GLYATL2: variants seen among roughly 807,000 people sequenced by gnomAD.
The protein encoded by GLYATL2 is glycine N-acyltransferase-like protein 2.
A neutral mutation model predicts 21.4 loss-of-function variants in GLYATL2; 25 were observed. That is an observed-to-expected ratio of 1.17 (90% CI 0.85 to 1.63). The LOEUF (loss-of-function observed/expected upper bound fraction) is 1.63, where lower values mean the gene tolerates loss of function less well. Among genes scored for constraint, GLYATL2 ranks in the 40% most tolerant of loss-of-function variants. GLYATL2 has a pLI of 0.00. For missense variants in GLYATL2, 361 were observed against 343.3 expected (o/e 1.05, Z -0.41); for synonymous variants, 114 against 118.2 (o/e 0.96, Z 0.23).
At chr11:58,847,198 T>TA (rs1440464717), upstream of GLYATL2, among the ~76,000 whole-genome samples, 1 of 152,114 alleles carries the variant, frequency 6.6e-6, no homozygotes, top group South Asian at 2.1e-4. Flanking sequence ...ACCCATGTAC[T>TA]ATTAGTACAT....
In GLYATL2 at chr11:58,837,257, C is replaced by A; in HGVS notation, c.313+14G>T. On this transcript the variant is annotated intron_variant, in intron 4 of 5. Coordinates refer to ENST00000287275, the MANE Select transcript of GLYATL2 (RefSeq NM_145016.4). The stretch of plus-strand genomic sequence containing the variant: ...TAAACCATGGATCTTTTTCTTTTAA[C>A]TCAGACTAGTTACCTTGGATCTGCA... 3.1e-6 allele frequency: 5 copies of A among 1,613,414 alleles called. No homozygotes were observed. The highest frequency in any genetic ancestry group is 4.2e-6 in the Non-Finnish European group (5 of 1,179,708).
chr11:58,846,119 C>T (rs1387474401), upstream of GLYATL2, among the ~76,000 whole-genome samples: 1 of 152,150 alleles, frequency 6.6e-6, no homozygotes, highest in Non-Finnish European at 1.5e-5. Context: ...TCCATTTCAA[C>T]TAGTCAATAC....
intron 1 of GLYATL2, among the ~76,000 whole-genome samples, chr11:58,874,101 A>T (rs192082519): frequency 6.6e-6 from 1 of 152,034 alleles, no homozygotes; most frequent in South Asian, 2.1e-4. Context: ...TCTTGATGGT[A>T]GTTTGTATTT....
intron 1 of GLYATL2, among the ~76,000 whole-genome samples, chr11:58,890,765 T>C (rs1854528902): frequency 6.6e-6 from 1 of 151,944 alleles, no homozygotes; most frequent in African/African-American, 2.4e-5. Flanking sequence ...TTCTCATCTC[T>C]CATACTCTGT....
upstream of GLYATL2, among the ~76,000 whole-genome samples, chr11:58,846,750 G>A (rs1380466837): frequency 6.6e-6 from 1 of 152,124 alleles, no homozygotes; most frequent in African/African-American, 2.4e-5. Context: ...AAACGTGAAA[G>A]GCAGTGTAAA....
chr11:58,909,306 A>G, the GLYATL2 span, among the ~76,000 whole-genome samples: 1 of 152,214 alleles, frequency 6.6e-6, no homozygotes, highest in African/African-American at 2.4e-5. Context: ...ATAAGTTCTC[A>G]AGATCTGTAC....
At chr11:58,845,926 CAT>C (rs1853634333), upstream of GLYATL2, among the ~76,000 whole-genome samples, 1 of 152,174 alleles carries the variant, frequency 6.6e-6, no homozygotes, top group African/African-American at 2.4e-5. Flanking sequence ...ACTATCTACA[CAT>C]TCTTGCTATG....
intron 1 of GLYATL2, among the ~76,000 whole-genome samples, chr11:58,897,574 T>C (rs763094339): frequency 1.6e-4 from 24 of 151,818 alleles, no homozygotes; most frequent in South Asian, 8.4e-4. Context: ...CACACACACA[T>C]AAATGCACAC....
In GLYATL2 at chr11:58,890,916, CTA is replaced by C. The variant is rs1182455701; in HGVS notation, n.60+13238_60+13239del. 7.9e-5 allele frequency among the ~76,000 whole-genome samples: 12 copies of C among 151,986 alleles called. No homozygotes were observed. The East Asian group carries it at 1.9e-3, about 24-fold the overall frequency. ...CTTTTGGCTTTATATATCCTTTGCA[CTA>C]TGTCTTGTTCTCCATTTCATTATTT... On this transcript the variant is annotated intron_variant and non_coding_transcript_variant, in intron 1 of 4. Coordinates refer to the GLYATL2 transcript ENST00000533636.
At chr11:58,856,722 G>A (rs2134590979) in intron 1 of GLYATL2, among the ~76,000 whole-genome samples, 1 of 152,292 alleles carries the variant, frequency 6.6e-6, no homozygotes, top group South Asian at 2.1e-4. Flanking sequence ...TATCAATTAA[G>A]TTTGCTGTCT....
At chr11:58,909,053 T>G (rs1854977136), upstream of GLYATL2, among the ~76,000 whole-genome samples, 3 of 152,308 alleles carry the variant, frequency 2.0e-5, no homozygotes, top group South Asian at 6.2e-4. Flanking sequence ...CCACACTATT[T>G]TGTTCAAAAT....
upstream of GLYATL2, chr11:58,905,363 C>T (rs1439839960): frequency 2.0e-5 from 8 of 398,344 alleles, no homozygotes; most frequent in Admixed American, 1.7e-4. Flanking sequence ...CAGGGTGGAG[C>T]TCTCTCTGCT....
At chr11:58,891,464 T>G (rs1375259093) in intron 1 of GLYATL2, among the ~76,000 whole-genome samples, 1 of 152,222 alleles carries the variant, frequency 6.6e-6, no homozygotes, top group African/African-American at 2.4e-5. Context: ...GCTGATATCC[T>G]GTAGCCTTGG....
At chr11:58,896,348 T>C (rs562841936) in intron 1 of GLYATL2, among the ~76,000 whole-genome samples, 8 of 152,180 alleles carry the variant, frequency 5.3e-5, no homozygotes, top group Non-Finnish European at 1.2e-4. Flanking sequence ...TCTATAAAAC[T>C]AACCGCAACT....
At chr11:58,890,234 A>AT (rs1854517197) in intron 1 of GLYATL2, among the ~76,000 whole-genome samples, 1 of 152,134 alleles carries the variant, frequency 6.6e-6, no homozygotes, top group African/African-American at 2.4e-5. Flanking sequence ...TTTGCTTAGG[A>AT]TTATTGCACT....
chr11:58,882,401 ATCCTT>A (rs1364679861), intron 1 of GLYATL2, among the ~76,000 whole-genome samples: 2 of 152,088 alleles, frequency 1.3e-5, no homozygotes, highest in Non-Finnish European at 2.9e-5. Context: ...GTCTGTTCAT[ATCCTT>A]TGCCCACTTT....
upstream of GLYATL2, among the ~76,000 whole-genome samples, chr11:58,848,775 G>T (rs2134584820): frequency 6.6e-6 from 1 of 152,236 alleles, no homozygotes; most frequent in Admixed American, 6.5e-5. Flanking sequence ...ATGGAGATGG[G>T]GTAGAAAGTT....
chr11:58,837,059 T>G lies in GLYATL2; in HGVS notation c.432A>C (p.Ser144=), dbSNP rs759318143. The change falls in exon 5 of 6, where the codon TCA becomes TCC. Residue 144 remains serine (S), a synonymous_variant. Coordinates refer to ENST00000287275, the MANE Select transcript of GLYATL2 (RefSeq NM_145016.4). ...CAAATAACTCCATCTTGTCATTACT[T>G]GAGGTCTTGTGTTTCTTTGGTAATT... ...IPELPKKHKT[S]SNDKMELFEV... The G allele has an allele frequency of 1.9e-6, 3 of 1,613,862 alleles. No homozygotes were observed. The highest frequency in any genetic ancestry group is 2.5e-6 in the Non-Finnish European group (3 of 1,179,766).
intron 1 of GLYATL2, among the ~76,000 whole-genome samples, chr11:58,891,456 T>G (rs1854542164): frequency 1.3e-5 from 2 of 152,234 alleles, no homozygotes; most frequent in South Asian, 4.1e-4. Flanking sequence ...TTGAGTAGGC[T>G]GATATCCTGT....
Sources: gnomAD v4.1 joint callset for allele counts (sites outside exome capture counted in the v4.1 genomes callset) on GRCh38, gnomAD v4.1.1 for gene constraint, MANE v1.5 for transcripts, NCBI Gene and HGNC (gene_info 2026-07-23, HGNC 2026-07-21) for gene names.